The following NEDD4L variants were observed in gnomAD, a reference collection of about 807,000 sequenced individuals.
NEDD4L encodes E3 ubiquitin-protein ligase NEDD4-like.
In NEDD4L, 54 loss-of-function variants were observed where a neutral mutation model predicts 148.9. The ratio of observed to expected loss-of-function variants is 0.36; its 90% CI spans 0.29 to 0.45. The LOEUF is 0.45. Among genes scored for constraint, NEDD4L ranks in the 20% least tolerant of loss-of-function variants. The pLI, the probability that NEDD4L is intolerant of heterozygous loss-of-function variation, is 1.00. For missense variants in NEDD4L, 856 were observed against 1,233.8 expected (o/e 0.69, Z 4.59); for synonymous variants, 433 against 440.7 (o/e 0.98, Z 0.22).
At chr18:58,095,403 G>A (rs1425203829) in intron 1 of NEDD4L, among the ~76,000 whole-genome samples, 1 of 152,208 alleles carries the variant, frequency 6.6e-6, no homozygotes, top group Non-Finnish European at 1.5e-5. Context: ...GCCAGTTCGG[G>A]CAGAGGGAGT....
intron 2 of NEDD4L, among the ~76,000 whole-genome samples, chr18:58,166,069 A>G (rs1375513072): frequency 6.6e-6 from 1 of 152,220 alleles, no homozygotes; most frequent in East Asian, 1.9e-4. Context: ...TACCATCACA[A>G]CAGTAGTTAA....
At chr18:58,232,240 C>G (rs940689448) in intron 2 of NEDD4L, among the ~76,000 whole-genome samples, 26 of 152,262 alleles carry the variant, frequency 1.7e-4, no homozygotes, top group African/African-American at 6.0e-4. Context: ...CTGTAGAAGT[C>G]CTTCAATATC....
chr18:58,047,538 T>G, intron 1 of NEDD4L: 1 of 982,556 alleles, frequency 1.0e-6, no homozygotes, highest in African/African-American at 1.7e-5. Flanking sequence ...GGGCTTTGCT[T>G]GTGTGAATGT....
chr18:58,279,172 T>C (rs2052616170), intron 5 of NEDD4L, among the ~76,000 whole-genome samples: 1 of 152,062 alleles, frequency 6.6e-6, no homozygotes, highest in Admixed American at 6.5e-5. Context: ...CCACCATGCC[T>C]GGCCGATTAT....
intron 1 of NEDD4L, among the ~76,000 whole-genome samples, chr18:58,093,625 G>A (rs901149012): frequency 2.0e-5 from 3 of 152,036 alleles, no homozygotes; most frequent in Non-Finnish European, 2.9e-5. Context: ...ACTTTCTCAC[G>A]GAAAGAAGTG....
chr18:58,257,578 G>A (rs1282444112), intron 5 of NEDD4L, among the ~76,000 whole-genome samples: 1 of 152,130 alleles, frequency 6.6e-6, no homozygotes, highest in Non-Finnish European at 1.5e-5. Context: ...ATATAGAATA[G>A]TAAGTACCCT....
chr18:58,161,460 G>A (rs1275923658), intron 1 of NEDD4L, among the ~76,000 whole-genome samples: 1 of 136,800 alleles, frequency 7.3e-6, no homozygotes, highest in South Asian at 2.3e-4. Flanking sequence ...TTTAACAAAA[G>A]TCTGGTTTCT....
At chr18:58,069,159 ATAG>A (rs1490631071) in intron 1 of NEDD4L, among the ~76,000 whole-genome samples, 1 of 148,456 alleles carries the variant, frequency 6.7e-6, no homozygotes, top group African/African-American at 2.6e-5. Flanking sequence ...AAAAAAAAAA[ATAG>A]GAAAGAAAAT....
Position 58,260,706 on chromosome 18 carries a change from GTA to G in NEDD4L, c.297+8656_297+8657del, listed in dbSNP as rs1218149764. 3.9e-5 allele frequency among the ~76,000 whole-genome samples: 6 copies of G among 152,212 alleles called. No homozygotes were observed. The East Asian group carries it at 1.2e-3, about 29-fold the overall frequency. ...GTGTGTATATTTGCACAATTAAAAA[GTA>G]TATGTTAAGCCAAAAAGCAGTTTAA... On this transcript the variant is annotated intron_variant, in intron 5 of 30. Coordinates refer to ENST00000400345, the MANE Select transcript of NEDD4L (RefSeq NM_001144967.3).
At chr18:58,224,410 G>A (rs1332939284) in intron 2 of NEDD4L, among the ~76,000 whole-genome samples, 3 of 152,202 alleles carry the variant, frequency 2.0e-5, no homozygotes, top group Non-Finnish European at 4.4e-5. Flanking sequence ...GATCTGCCAT[G>A]CTGAGTTGAC....
chr18:58,349,347 G>A (rs998088030), intron 16 of NEDD4L, among the ~76,000 whole-genome samples, 190 bp from the exon 17 acceptor site: 1 of 152,052 alleles, frequency 6.6e-6, no homozygotes, highest in Non-Finnish European at 1.5e-5. Flanking sequence ...GCACAAGAAG[G>A]AAGAGTACAG....
rs879461015 is a variant in NEDD4L at position 58,370,254 on chromosome 18, C to T, written c.2186-143C>T. 208 of 636,182 alleles carry T rather than the reference C, an allele frequency of 3.3e-4. 3 individuals are homozygous for T. The Admixed American group carries it at 5.0e-3, about 15-fold the overall frequency. 39.4% of individuals were successfully genotyped at this position (636,182 alleles called of 1,614,324 possible). On this transcript the variant is annotated intron_variant, in intron 22 of 30. Transcript: ENST00000400345. ...CTCTCCCCCTGATCTCGCCTCCTCG[C>T]TTGTGCAATACTGTAGAAGGCCCTT...
intron 2 of NEDD4L, among the ~76,000 whole-genome samples, chr18:58,229,092 AG>A (rs998186936): frequency 1.3e-5 from 2 of 152,120 alleles, no homozygotes; most frequent in African/African-American, 4.8e-5. Context: ...ACCATGGAAG[AG>A]GGTGATTTTT....
chr18:58,096,334 ATTATT>A (rs1555690129), intron 1 of NEDD4L, among the ~76,000 whole-genome samples: 2 of 147,328 alleles, frequency 1.4e-5, no homozygotes, highest in South Asian at 2.1e-4. Flanking sequence ...CCTTAGTGTG[ATTATT>A]TTATTTTATT....
At chr18:58,241,544 TC>T in intron 2 of NEDD4L, among the ~76,000 whole-genome samples, 2 of 150,366 alleles carry the variant, frequency 1.3e-5, no homozygotes, top group South Asian at 4.2e-4. Flanking sequence ...CATGAGACAC[TC>T]AATAAATGTA....
At chr18:58,095,533 C>T (rs2084342936) in intron 1 of NEDD4L, among the ~76,000 whole-genome samples, 1 of 152,148 alleles carries the variant, frequency 6.6e-6, no homozygotes, top group South Asian at 2.1e-4. Flanking sequence ...TTGCAGGGCT[C>T]AGTCGGGGCC....
chr18:58,239,233 A>G (rs1007033017), intron 2 of NEDD4L, among the ~76,000 whole-genome samples: 3 of 152,204 alleles, frequency 2.0e-5, no homozygotes, highest in Non-Finnish European at 2.9e-5. Context: ...CAAAGACACA[A>G]TCTTTTTGCA....
At chr18:58,089,126 A>ATTTTTTTTTT (rs570623396) in intron 1 of NEDD4L, among the ~76,000 whole-genome samples, 5 of 100,976 alleles carry the variant, frequency 5.0e-5, no homozygotes, top group African/African-American at 1.2e-4. Flanking sequence ...TTATTTCATA[A>ATTTTTTTTTT]TTTTTTTTTT....
At chr18:58,095,461 A>G (rs1209054354) in intron 1 of NEDD4L, among the ~76,000 whole-genome samples, 2 of 152,196 alleles carry the variant, frequency 1.3e-5, no homozygotes, top group South Asian at 4.1e-4. Flanking sequence ...GTGGGGAGTA[A>G]TTGGATCTGT....
Sources: allele counts gnomAD v4.1 joint callset (sites outside exome capture counted in the v4.1 genomes callset), GRCh38; gene constraint gnomAD v4.1.1; transcripts MANE v1.5; gene names NCBI Gene and HGNC (gene_info 2026-07-23, HGNC 2026-07-21).